Variants in NDST2 observed in about 807,000 individuals in gnomAD.
NDST2 encodes the protein N-deacetylase and N-sulfotransferase 2, also known as bifunctional heparan sulfate N-deacetylase/N-sulfotransferase 2.
Under a neutral mutation model 86.9 loss-of-function variants are expected in NDST2, and 32 were observed. The observed-to-expected ratio is 0.37, with a 90% CI of 0.28 to 0.49. NDST2 has a LOEUF of 0.49. Ranked by LOEUF, NDST2 falls within the 20% of genes least tolerant of loss-of-function variation. The pLI is 0.97. For synonymous variants in NDST2, 409 were observed against 437.0 expected, an observed-to-expected ratio of 0.94 and a Z score of 0.80; for missense variants, 950 against 1,146.9, an observed-to-expected ratio of 0.83 and a Z score of 2.48.
chr10:73,810,842 T>A lies in NDST2; in HGVS notation c.-385A>T, dbSNP rs1158588042. ...GCTCAGTTGGTGGGAGGGCTGGGAT[T>A]CGACGTCAGGCCTGTCAAGCTCCAG... On this transcript the variant is annotated 5_prime_UTR_variant, in exon 2 of 15. Transcript: ENST00000309979. 18 of 399,048 alleles carry A rather than the reference T, an allele frequency of 4.5e-5. No homozygotes were observed. The highest frequency in any genetic ancestry group is 7.1e-5 in the Non-Finnish European group (16 of 226,114). 24.7% of individuals were successfully genotyped at this position (399,048 alleles called of 1,614,324 possible).
chr10:73,808,081 AC>A lies in NDST2; in HGVS notation c.307del (p.Val103TrpfsTer25). On this transcript the variant is annotated frameshift_variant, in exon 3 of 15. Coordinates refer to ENST00000309979, the MANE Select transcript of NDST2 (RefSeq NM_003635.4). LOFTEE classifies it high-confidence loss of function. The surrounding 1 kb of genome is among the most constrained non-coding windows in gnomAD (Gnocchi z 4.3). Reference protein sequence around the residue: ...SAYSQLGQEIVAILESSRFRY... With the variant: ...SAYSQLGQEIXAILESSRFRY... ...AAAACGACTAGACTCCAGGATGGCCACAATTTCCTGCCCCAGCTGTGAGTAT... is the reference window on the plus strand; with the variant it reads ...AAAACGACTAGACTCCAGGATGGCCAAATTTCCTGCCCCAGCTGTGAGTAT... 2.5e-6 allele frequency: 4 copies of A among 1,614,202 alleles called. No individual in the cohort carries two copies. Among genetic ancestry groups the A allele is most frequent in the Non-Finnish European group, 3.4e-6 (4 of 1,180,020 alleles).
Position 73,802,551 on chromosome 10 carries a change from A to G in NDST2, c.2552T>C (p.Phe851Ser). 1 of 1,614,102 alleles carries G rather than the reference A, an allele frequency of 6.2e-7. No individual in the cohort carries two copies. The highest frequency in any genetic ancestry group is 1.7e-5 in the Admixed American group (1 of 60,008). The change falls in exon 15 of 15, where the codon TTC becomes TCC. Residue 851 changes from phenylalanine (F) to serine (S), a missense_variant. Around this residue, in one of 5 missense-constraint regions of NDST2, gnomAD observed 303 missense variants for 323.7 expected, o/e 0.94. Transcript: ENST00000309979. ...TESRLFLTDFFRNHNLELSKL... is the reference protein window; with the variant it reads ...TESRLFLTDFSRNHNLELSKL... ...CGACAACTCCAAATTATGGTTCCGGAAAAAATCCGTAAGGAAAAGACGGGA... is the reference window on the plus strand; with the variant it reads ...CGACAACTCCAAATTATGGTTCCGGGAAAAATCCGTAAGGAAAAGACGGGA...
Position 73,806,153 on chromosome 10 carries a change from A to G in NDST2, c.1435-125T>C. On this transcript the variant is annotated intron_variant, in intron 6 of 14. Transcript: ENST00000309979. This position sits in a 1 kb window ranked among gnomAD's most constrained non-coding sequence, Gnocchi z 4.5. ...ATAAAGCTCTTACTGAGGGTGTTAA[A>G]ATTTTTTCACCTTTCTACCCCCAAT... 2.0e-6 allele frequency: 3 copies of G among 1,536,352 alleles called. No homozygotes were observed. The highest frequency in any genetic ancestry group is 2.7e-6 in the Non-Finnish European group (3 of 1,125,906).
Position 73,802,296 on chromosome 10 carries a change from A to C in NDST2, c.*155T>G. 1.3e-6 allele frequency: 1 copy of C among 748,798 alleles called. No individual in the cohort carries two copies. The highest frequency in any genetic ancestry group is 1.8e-5 in the South Asian group (1 of 54,542). The allele number at this position is 748,798 out of a possible 1,614,324, so 46.4% of individuals were successfully genotyped here. ...CTTTATTTGTCCCAGAACTGTGGGA[A>C]AAGGATACCCTTCCCTTCTCAGCCA... On this transcript the variant is annotated 3_prime_UTR_variant, in exon 15 of 15. Transcript: ENST00000309979.
Position 73,805,602 on chromosome 10 carries a change from T to C in NDST2, c.1731A>G (p.Arg577=). The C allele has an allele frequency of 6.2e-7, 1 of 1,614,140 alleles. No individual in the cohort carries two copies. Among genetic ancestry groups the C allele is most frequent in the Middle Eastern group, 1.7e-4 (1 of 6,058 alleles). Residue 577 remains arginine, a synonymous_variant, in exon 8 of 15, where the codon CGA becomes CGG. Coordinates refer to ENST00000309979, the MANE Select transcript of NDST2 (RefSeq NM_003635.4). ...QKYFELFPQE[R]SPLWQNPCDD... is the part of the protein sequence containing the mutation. ...CCACCTTTACCTGCCAAAGGGGGCT[T>C]CGCTCCTGAGGGAAAAGTTCAAAGT...
intron 1 of NDST2, 86 bp from the exon 2 acceptor site, chr10:73,810,989 C>T: frequency 2.6e-6 from 1 of 390,110 alleles, no homozygotes; most frequent in East Asian, 3.6e-5. Flanking sequence ...CAGGGCTGGG[C>T]GGGGTGGGTG....
In NDST2 at chr10:73,805,670, G is replaced by A. The variant is rs1445207483; in HGVS notation, c.1663C>T (p.Leu555=). The change falls in exon 8 of 15, where the codon CTG becomes TTG. Residue 555 remains leucine (L), a synonymous_variant. Coordinates refer to ENST00000309979, the MANE Select transcript of NDST2 (RefSeq NM_003635.4). ...ACAGGAGGAAGGGTCTGTAGGCGCA[G>A]CCGTGTCCAACACTGGAGGAAGCGC... is the stretch of plus-strand genomic sequence containing the variant. ...LVRFLQCWTR[L]RLQTLPPVPL... 6 of 1,614,224 alleles carry A rather than the reference G, an allele frequency of 3.7e-6. No individual in the cohort carries two copies. Among genetic ancestry groups the A allele is most frequent in the Non-Finnish European group, 5.1e-6 (6 of 1,180,046 alleles).
chr10:73,810,224 C>A (rs900548438), intron 2 of NDST2, among the ~76,000 whole-genome samples: 1 of 152,072 alleles, frequency 6.6e-6, no homozygotes, highest in African/African-American at 2.4e-5. Context: ...TGTGAAAGGC[C>A]GAAGCGGGTG....
At chr10:73,805,003 C>T (rs1589611698) in intron 8 of NDST2, 134 bp from the exon 9 acceptor site, 5 of 517,318 alleles carry the variant, frequency 9.7e-6, no homozygotes, top group South Asian at 8.8e-5. Flanking sequence ...TGGGTTCAAG[C>T]AATTCTCTTG....
In NDST2 at chr10:73,802,384, G is replaced by A. The variant is rs1245823367; in HGVS notation, c.*67C>T. ...GCCAGGCCACTCTAATCCCCCTTGT[G>A]GGCCCTGCTCTGGACCTGCCCCTTA... On this transcript the variant is annotated 3_prime_UTR_variant, in exon 15 of 15. Transcript: ENST00000309979. 6.3e-7 allele frequency: 1 copy of A among 1,594,764 alleles called. No individual in the cohort carries two copies. The highest frequency in any genetic ancestry group is 8.6e-7 in the Non-Finnish European group (1 of 1,168,632).
At chr10:73,803,509 G>C in intron 11 of NDST2, 65 bp downstream of exon 11, 1 of 1,441,486 alleles carries the variant, frequency 6.9e-7, no homozygotes. Context: ...TCCCTCTCTA[G>C]CAGTCACTGT....
At chr10:73,805,469 G>A (rs576899986) in intron 8 of NDST2, 118 bp downstream of exon 8, 23 of 962,720 alleles carry the variant, frequency 2.4e-5, no homozygotes, top group Non-Finnish European at 3.4e-5. Flanking sequence ...AGCAGAGATT[G>A]TGCCATTGTA....
In NDST2 at chr10:73,806,953, C is replaced by A; in HGVS notation, c.1094-142G>T. On this transcript the variant is annotated intron_variant, in intron 4 of 14. Transcript: ENST00000309979. The surrounding 1 kb of genome is among the most constrained non-coding windows in gnomAD (Gnocchi z 4.5). ...CCACTGCCAACTTGCCATCCAGCCA[C>A]CCATGCGAACCTAAATTCATGCCCA... 1 of 1,464,050 alleles carries A rather than the reference C, an allele frequency of 6.8e-7. No homozygotes were observed. Among genetic ancestry groups the A allele is most frequent in the African/African-American group, 1.4e-5 (1 of 71,932 alleles). The allele number at this position is 1,464,050 out of a possible 1,614,324, so 90.7% of individuals were successfully genotyped here. A position where few individuals can be genotyped will look rare whatever the true frequency, so the allele number is the denominator to read the frequency against.
At chr10:73,809,480 C>T (rs555258446) in intron 2 of NDST2, among the ~76,000 whole-genome samples, 10 of 152,184 alleles carry the variant, frequency 6.6e-5, no homozygotes, top group Non-Finnish European at 1.5e-4. Context: ...AAAAGCCATA[C>T]AGCTGAGTCC....
chr10:73,804,012 A>C lies in NDST2; in HGVS notation c.1848T>G (p.Thr616=), dbSNP rs375118820. ...FLIVGPQKTG[T]TAIHFFLSLH... is the part of the protein sequence containing the mutation. ...GGCTCAGGAAGAAGTGAATAGCTGT[A>C]GTCCCTAAATGGGAGAGAAAGACCA... Residue 616 remains threonine, a synonymous_variant, in exon 10 of 15, where the codon ACT becomes ACG. Transcript: ENST00000309979. 6.2e-7 allele frequency: 1 copy of C among 1,613,748 alleles called. No individual in the cohort carries two copies. Among genetic ancestry groups the C allele is most frequent in the African/African-American group, 1.3e-5 (1 of 74,900 alleles).
In NDST2 at chr10:73,804,000, G is replaced by A; in HGVS notation, c.1860C>T (p.His620=). ...GPQKTGTTAI[H]FFLSLHPAVT... ...CAGCTGGGTGCAGGCTCAGGAAGAAGTGAATAGCTGTAGTCCCTAAATGGG... is the reference window on the plus strand; with the variant it reads ...CAGCTGGGTGCAGGCTCAGGAAGAAATGAATAGCTGTAGTCCCTAAATGGG... Residue 620 remains histidine (H), a synonymous_variant, in exon 10 of 15, where the codon CAC becomes CAT. Transcript: ENST00000309979. 3.1e-6 allele frequency: 5 copies of A among 1,613,950 alleles called. No homozygotes were observed. The highest frequency in any genetic ancestry group is 4.2e-6 in the Non-Finnish European group (5 of 1,179,932).
At chr10:73,804,164 G>A (rs1039084072) in intron 9 of NDST2, 148 bp from the exon 10 acceptor site, 50 of 822,006 alleles carry the variant, frequency 6.1e-5, no homozygotes, top group Non-Finnish European at 8.9e-5. Context: ...GCAAGTCTGA[G>A]AGAGGCCCAG....
Position 73,805,727 on chromosome 10 carries a change from G to C in NDST2, c.1606C>G (p.Arg536Gly). 6.2e-7 allele frequency: 1 copy of C among 1,614,186 alleles called. No homozygotes were observed. The highest frequency in any genetic ancestry group is 8.5e-7 in the Non-Finnish European group (1 of 1,180,034). ...CTCTCAAAGGTGTATAGGCCCAGCC[G>C]GTCATTTCCATAATTGGACAGATGG... ...MTHLSNYGND[R>G]LGLYTFESLV... is the part of the protein sequence containing the mutation. Residue 536 changes from arginine (R) to glycine (G), a missense_variant, in exon 8 of 15, where the codon CGG (arginine) becomes GGG (glycine). Arg to Gly is a moderately radical substitution (Grantham distance 125). Transcript: ENST00000309979.
chr10:73,811,313 G>A (rs2084244883), intron 1 of NDST2, among the ~76,000 whole-genome samples, 161 bp downstream of exon 1: 1 of 152,118 alleles, frequency 6.6e-6, no homozygotes, highest in Non-Finnish European at 1.5e-5. Context: ...AGGGGAGCGA[G>A]GCGGTTCTGA....
Sources: gnomAD v4.1 joint callset for allele counts (sites outside exome capture counted in the v4.1 genomes callset) on GRCh38, gnomAD v4.1.1 for gene constraint, gnomAD v4.1.1 regional missense constraint, Gnocchi (gnomAD v3.1) non-coding constraint, MANE v1.5 for transcripts, NCBI Gene and HGNC (gene_info 2026-07-23, HGNC 2026-07-21) for gene names.